The following BRSK2 variants were observed in gnomAD, a reference collection of about 807,000 sequenced individuals.
BRSK2 encodes the protein BR serine/threonine kinase 2.
BRSK2 carries 19 observed loss-of-function variants against 83.3 expected under a neutral mutation model. That is an observed-to-expected ratio of 0.23 (90% confidence interval 0.16 to 0.33). The LOEUF is 0.33. Among genes scored for constraint, BRSK2 ranks in the 10% least tolerant of loss-of-function variants. The pLI is 1.00. For missense variants in BRSK2, 798 were observed against 1,042.3 expected (o/e 0.77, Z 3.23); for synonymous variants, 519 against 435.4 (o/e 1.19, Z -2.39).
intron 1 of BRSK2, among the ~76,000 whole-genome samples, chr11:1,427,167 G>A (rs1849331722): frequency 6.6e-6 from 1 of 151,994 alleles, no homozygotes; most frequent in Non-Finnish European, 1.5e-5. Context: ...GGGGCAGGGC[G>A]CTGCCGGCAG....
chr11:1,460,408 T>TTCTC (rs1323248756), intron 19 of BRSK2, 92 bp from the exon 20 acceptor site: 2 of 928,894 alleles, frequency 2.2e-6, no homozygotes, highest in African/African-American at 3.6e-5. Flanking sequence ...TTTGTTCTCT[T>TTCTC]TCTCTCTCCT....
intron 1 of BRSK2, among the ~76,000 whole-genome samples, chr11:1,396,309 C>T (rs549880630): frequency 6.6e-6 from 1 of 152,078 alleles, no homozygotes; most frequent in East Asian, 1.9e-4. Context: ...CCCTTACAGC[C>T]GCCTCGAGGA....
At chr11:1,412,020 G>A (rs1305089009) in intron 1 of BRSK2, among the ~76,000 whole-genome samples, 14 of 132,282 alleles carry the variant, frequency 1.1e-4, no homozygotes, top group East Asian at 2.4e-4. Flanking sequence ...TCTCAGCTGC[G>A]CCGCCCCGTC....
At chr11:1,395,111 C>T (rs555224046) in intron 1 of BRSK2, among the ~76,000 whole-genome samples, 21 of 152,300 alleles carry the variant, frequency 1.4e-4, no homozygotes, top group South Asian at 8.3e-4. Flanking sequence ...GTGTCTGCTG[C>T]GAGACCCCAG....
intron 1 of BRSK2, chr11:1,410,889 G>A (rs1305130084): frequency 1.1e-5 from 11 of 986,132 alleles, no homozygotes; most frequent in Middle Eastern, 5.2e-4. Context: ...GGCCTTCGAC[G>A]GCCCTTTTGT....
At chr11:1,458,872 G>C (rs980407546) in intron 18 of BRSK2, among the ~76,000 whole-genome samples, 1 of 152,180 alleles carries the variant, frequency 6.6e-6, no homozygotes, top group Non-Finnish European at 1.5e-5. Flanking sequence ...TCAGCCCAGG[G>C]GAGGGGCTAG....
intron 12 of BRSK2, among the ~76,000 whole-genome samples, chr11:1,448,106 T>G (rs1451381318): frequency 6.6e-6 from 1 of 152,086 alleles, no homozygotes; most frequent in Non-Finnish European, 1.5e-5. Flanking sequence ...TTACAGGGCC[T>G]GGGGCTAGAG....
At position 1,461,588 on chromosome 11, in the gene BRSK2, G is replaced by A. The variant is rs1488979963; in HGVS notation, c.*865G>A. ...TGGATTCTCCGCACCTCTGTTCAGG[G>A]AAGGGCGGCGGCCACATCCCCTGCC... On this transcript the variant is annotated 3_prime_UTR_variant, in exon 20 of 20. Coordinates refer to ENST00000528841, the MANE Select transcript of BRSK2 (RefSeq NM_001256627.2). The A allele has an allele frequency of 6.4e-6, 1 of 156,912 alleles. No homozygotes were observed. Among genetic ancestry groups the A allele is most frequent in the Non-Finnish European group, 1.4e-5 (1 of 71,712 alleles). 9.7% of individuals were successfully genotyped at this position (156,912 alleles called of 1,614,324 possible).
chr11:1,450,902 C>A, intron 14 of BRSK2, 108 bp downstream of exon 14: 1 of 1,129,068 alleles, frequency 8.9e-7, no homozygotes, highest in Non-Finnish European at 1.2e-6. Flanking sequence ...CCTGTAGCTG[C>A]AGGGGTGGCC....
intron 3 of BRSK2, 90 bp from the exon 4 acceptor site, chr11:1,440,698 T>TG: frequency 6.8e-7 from 1 of 1,474,634 alleles, no homozygotes; most frequent in Non-Finnish European, 9.1e-7. Flanking sequence ...GCAGAGAGGC[T>TG]GGGCCAGGAG....
intron 1 of BRSK2, among the ~76,000 whole-genome samples, chr11:1,400,356 G>A (rs1846395249): frequency 2.0e-5 from 3 of 152,256 alleles, no homozygotes; most frequent in Non-Finnish European, 2.9e-5. Context: ...AGGTGATGCT[G>A]ACGCTGGTTG....
intron 1 of BRSK2, among the ~76,000 whole-genome samples, chr11:1,392,550 A>G (rs1309085309): frequency 6.6e-6 from 1 of 152,190 alleles, no homozygotes; most frequent in Non-Finnish European, 1.5e-5. Flanking sequence ...TGGCAGTGGC[A>G]GTGAGCCTTG....
At chr11:1,445,703 C>A in intron 11 of BRSK2, 35 bp downstream of exon 11, 3 of 1,611,516 alleles carry the variant, frequency 1.9e-6, no homozygotes, top group Non-Finnish European at 1.7e-6. Context: ...GCCCGGCCTG[C>A]ACTGCCCCAC....
intron 18 of BRSK2, 138 bp downstream of exon 18, chr11:1,456,825 G>A (rs1177043042): frequency 4.5e-6 from 6 of 1,327,032 alleles, no homozygotes; most frequent in East Asian, 5.0e-5. Context: ...TCCCTGCCCC[G>A]AGCTGTGGCT....
intron 14 of BRSK2, 136 bp downstream of exon 14, chr11:1,450,930 C>A: frequency 2.4e-6 from 2 of 837,416 alleles, no homozygotes; most frequent in South Asian, 1.9e-5. Context: ...GCCCACGTCT[C>A]ACTGTCCCGA....
intron 1 of BRSK2, among the ~76,000 whole-genome samples, chr11:1,415,359 G>T (rs1309902427): frequency 1.3e-5 from 2 of 152,284 alleles, no homozygotes; most frequent in African/African-American, 2.4e-5. Context: ...CTCCCAAAGT[G>T]CTGGGATTAC....
chr11:1,453,341 C>T (rs936628308), intron 15 of BRSK2, among the ~76,000 whole-genome samples: 1 of 152,216 alleles, frequency 6.6e-6, no homozygotes, highest in Non-Finnish European at 1.5e-5. Flanking sequence ...ACCCCTGGGC[C>T]GCAAAGCAGA....
chr11:1,420,295 CAG>C (rs893879930), intron 1 of BRSK2, among the ~76,000 whole-genome samples: 23 of 152,358 alleles, frequency 1.5e-4, no homozygotes, highest in African/African-American at 5.3e-4. Flanking sequence ...CTTGTTGGCC[CAG>C]AGAGGGGAGA....
chr11:1,416,235 G>A (rs1236009379), intron 1 of BRSK2, among the ~76,000 whole-genome samples: 1 of 152,240 alleles, frequency 6.6e-6, no homozygotes, highest in African/African-American at 2.4e-5. Flanking sequence ...TAAGAGTACG[G>A]AGGGTCCTGA....
Sources: gnomAD v4.1 joint callset for allele counts (sites outside exome capture counted in the v4.1 genomes callset) on GRCh38, gnomAD v4.1.1 for gene constraint, MANE v1.5 for transcripts, NCBI Gene and HGNC (gene_info 2026-07-23, HGNC 2026-07-21) for gene names.